Variants in ESRRG observed in about 807,000 individuals in gnomAD.
ESRRG encodes estrogen related receptor gamma, also known as estrogen-related receptor gamma.
ESRRG carries 13 observed loss-of-function variants against 44.0 expected under a neutral mutation model. That is an observed-to-expected ratio of 0.30 (90% CI 0.19 to 0.47). ESRRG has a LOEUF of 0.47. Among genes scored for constraint, ESRRG ranks in the 20% least tolerant of loss-of-function variants. The pLI, the probability that ESRRG is intolerant of heterozygous loss-of-function variation, is 1.00. For synonymous variants in ESRRG, 215 were observed against 214.6 expected (o/e 1.00, Z -0.02); for missense variants, 395 against 580.6 (o/e 0.68, Z 3.29).
chr1:216,957,484 C>A (rs1008525644), intron 1 of ESRRG, among the ~76,000 whole-genome samples: 1 of 152,136 alleles, frequency 6.6e-6, no homozygotes, highest in African/African-American at 2.4e-5. Context: ...CAAATCTATC[C>A]TTCCCCAATA....
intron 5 of ESRRG, among the ~76,000 whole-genome samples, chr1:216,563,612 A>C (rs544897485): frequency 6.6e-6 from 1 of 152,218 alleles, no homozygotes; most frequent in Non-Finnish European, 1.5e-5. Flanking sequence ...AAGCATGTAC[A>C]TATTTGTTCA....
chr1:216,712,924 A>G (rs547268068), intron 1 of ESRRG, among the ~76,000 whole-genome samples: 3 of 152,348 alleles, frequency 2.0e-5, no homozygotes, highest in South Asian at 4.1e-4. Context: ...CCAATGAAAT[A>G]TATTTTAAGG....
At chr1:216,647,400 G>A (rs1262241366) in intron 3 of ESRRG, among the ~76,000 whole-genome samples, 1 of 152,086 alleles carries the variant, frequency 6.6e-6, no homozygotes, top group African/African-American at 2.4e-5. Flanking sequence ...ATTATCATTT[G>A]TTTTACTGTA....
chr1:216,737,603 T>C (rs191360777), intron 2 of ESRRG, among the ~76,000 whole-genome samples: 123 of 152,254 alleles, frequency 8.1e-4, no homozygotes, highest in African/African-American at 3.0e-3. Flanking sequence ...CCTGGAATCA[T>C]TATTTTACCA....
intron 5 of ESRRG, among the ~76,000 whole-genome samples, chr1:216,535,399 G>C (rs1039748980): frequency 2.6e-5 from 4 of 152,066 alleles, no homozygotes; most frequent in Non-Finnish European, 5.9e-5. Context: ...AGCCTTTCCT[G>C]CATGAATGGA....
chr1:216,785,412 G>A (rs992342280), intron 2 of ESRRG, among the ~76,000 whole-genome samples: 7 of 152,040 alleles, frequency 4.6e-5, no homozygotes, highest in South Asian at 2.1e-4. Flanking sequence ...CAAGCACTGC[G>A]AGGTAAGCCC....
chr1:216,605,920 T>C lies in ESRRG; in HGVS notation c.590-37822A>G, dbSNP rs530943360. 3.4e-3 allele frequency among the ~76,000 whole-genome samples: 512 copies of C among 152,214 alleles called. 4 individuals carry two copies. The highest frequency in any genetic ancestry group is 0.012 in the African/African-American group (486 of 41,530). On this transcript the variant is annotated intron_variant, in intron 3 of 6. Transcript: ENST00000408911. ...TTCTGAAGAAGCTGTTGGCTATCTTTTTTAACAACAAGAAAGCTGATTTTG... is the reference window on the plus strand; with the variant it reads ...TTCTGAAGAAGCTGTTGGCTATCTTCTTTAACAACAAGAAAGCTGATTTTG...
intron 2 of ESRRG, among the ~76,000 whole-genome samples, chr1:216,773,837 G>A (rs914182330): frequency 6.6e-6 from 1 of 152,066 alleles, no homozygotes; most frequent in Non-Finnish European, 1.5e-5. Flanking sequence ...AAATCAGGCA[G>A]TACAGCCCCT....
At position 216,864,993 on chromosome 1, in the gene ESRRG, C is replaced by T. The variant is rs563712745; in HGVS notation, c.-14+74589G>A. On this transcript the variant is annotated intron_variant, in intron 2 of 7. Coordinates refer to the ESRRG transcript ENST00000359162. ...CAGCCTTCAGCACAACAGGAATTGACCTGGAAAGAAAGGCCTTTATTCCTC... is the reference window on the plus strand; with the variant it reads ...CAGCCTTCAGCACAACAGGAATTGATCTGGAAAGAAAGGCCTTTATTCCTC... The T allele has an allele frequency of 2.0e-5, 3 of 151,978 alleles. No homozygotes were observed. In the East Asian group the frequency reaches 5.8e-4, roughly 29 times the overall value. The allele number at this position is 151,978 out of a possible 1,614,324, so 9.4% of individuals were successfully genotyped here.
intron 2 of ESRRG, among the ~76,000 whole-genome samples, chr1:216,873,210 T>G (rs1253121279): frequency 9.6e-5 from 1 of 10,448 alleles, no homozygotes; most frequent in East Asian, 8.7e-4. Flanking sequence ...ATCTTTTCAG[T>G]TTTTTTTTTT....
At chr1:216,898,253 C>T (rs2058654105) in intron 2 of ESRRG, among the ~76,000 whole-genome samples, 1 of 152,172 alleles carries the variant, frequency 6.6e-6, no homozygotes, top group Non-Finnish European at 1.5e-5. Flanking sequence ...TTTAAGGAAT[C>T]ATTAAGATTT....
At chr1:216,526,233 T>C (rs765055738) in intron 5 of ESRRG, among the ~76,000 whole-genome samples, 10 of 152,154 alleles carry the variant, frequency 6.6e-5, no homozygotes, top group Non-Finnish European at 1.3e-4. Context: ...ACCCAAAAGA[T>C]GTTAGAGTCC....
intron 1 of ESRRG, among the ~76,000 whole-genome samples, chr1:216,703,659 ATGTGTG>A (rs67638063): frequency 0.02 from 2,943 of 148,958 alleles, 105 homozygotes; most frequent in African/African-American, 0.065. Flanking sequence ...AGCTGGATAG[ATGTGTG>A]TGTGTGTGTG....
chr1:217,004,646 G>T (rs139969991), intron 1 of ESRRG, among the ~76,000 whole-genome samples: 52 of 152,280 alleles, frequency 3.4e-4, no homozygotes, highest in Non-Finnish European at 6.2e-4. Context: ...AATATGGTAA[G>T]CCATGGGCAT....
chr1:217,106,392 G>GCA (rs3075354), intron 1 of ESRRG, among the ~76,000 whole-genome samples: 992 of 82,264 alleles, frequency 0.012, 11 homozygotes, highest in East Asian at 0.039. Context: ...ACTCACATAT[G>GCA]CACACACACA....
At chr1:216,805,924 G>T (rs1173921339) in intron 2 of ESRRG, among the ~76,000 whole-genome samples, 2 of 152,116 alleles carry the variant, frequency 1.3e-5, no homozygotes, top group African/African-American at 4.8e-5. Context: ...TGACTAGAAG[G>T]CTGTTATAAC....
At chr1:216,661,644 G>A (rs972697310) in intron 2 of ESRRG, among the ~76,000 whole-genome samples, 1 of 152,106 alleles carries the variant, frequency 6.6e-6, no homozygotes, top group Non-Finnish European at 1.5e-5. Context: ...TTTACTTCTT[G>A]AGATTTCCCT....
At chr1:216,587,069 T>C (rs899068856) in intron 3 of ESRRG, among the ~76,000 whole-genome samples, 6 of 152,166 alleles carry the variant, frequency 3.9e-5, no homozygotes, top group African/African-American at 1.4e-4. Context: ...ATATCTGTGA[T>C]AAAATGACAA....
intron 2 of ESRRG, among the ~76,000 whole-genome samples, chr1:216,783,087 C>A (rs967576501): frequency 1.3e-5 from 2 of 151,772 alleles, no homozygotes; most frequent in African/African-American, 4.8e-5. Context: ...GGGGGCATAT[C>A]GGAATCTCAC....
Sources: allele counts gnomAD v4.1 joint callset (sites outside exome capture counted in the v4.1 genomes callset), GRCh38; gene constraint gnomAD v4.1.1; transcripts MANE v1.5; gene names NCBI Gene and HGNC (gene_info 2026-07-23, HGNC 2026-07-21).